The following DPYD variants were observed in gnomAD, a reference collection of about 807,000 sequenced individuals.
DPYD encodes the protein dihydropyrimidine dehydrogenase.
A neutral mutation model predicts 116.2 loss-of-function variants in DPYD; 109 were observed. That is an observed-to-expected ratio of 0.94 (90% confidence interval 0.80 to 1.10). The LOEUF (loss-of-function observed/expected upper bound fraction) is 1.10. Among genes scored for constraint, DPYD ranks in the 50% least tolerant of loss-of-function variants. The probability of loss-of-function intolerance (pLI) is 0.00; values close to 1 mark genes in which losing one functional copy is unlikely to be tolerated. For missense variants in DPYD, 1,302 were observed against 1,254.5 expected (o/e 1.04, Z -0.57); for synonymous variants, 440 against 432.0 (o/e 1.02, Z -0.23).
chr1:97,080,251 C>T (rs763557736), intron 22 of DPYD, among the ~76,000 whole-genome samples: 3 of 151,974 alleles, frequency 2.0e-5, no homozygotes. Flanking sequence ...TGTCTCTCCA[C>T]CCCCATGGTA....
chr1:97,297,278 C>T (rs1666593007), intron 18 of DPYD, among the ~76,000 whole-genome samples: 1 of 152,144 alleles, frequency 6.6e-6, no homozygotes, highest in Non-Finnish European at 1.5e-5. Flanking sequence ...CTCTTATCAT[C>T]ACTCCTGTAT....
At chr1:97,359,147 C>T (rs911874439) in intron 16 of DPYD, among the ~76,000 whole-genome samples, 1 of 151,862 alleles carries the variant, frequency 6.6e-6, no homozygotes, top group Admixed American at 6.6e-5. Context: ...AACCATGACA[C>T]GAGAACTACG....
chr1:97,610,384 T>C (rs528253036), intron 8 of DPYD, among the ~76,000 whole-genome samples: 1 of 152,036 alleles, frequency 6.6e-6, no homozygotes, highest in Non-Finnish European at 1.5e-5. Flanking sequence ...TGACCTGTGA[T>C]CAATTTTAAT....
At chr1:97,453,631 T>C (rs1676534576) in intron 13 of DPYD, among the ~76,000 whole-genome samples, 1 of 152,128 alleles carries the variant, frequency 6.6e-6, no homozygotes, top group African/African-American at 2.4e-5. Flanking sequence ...ATTGGAAGAC[T>C]GTCAAGAAAA....
At chr1:97,091,314 CAG>C (rs1324696997) in intron 21 of DPYD, among the ~76,000 whole-genome samples, 1 of 151,878 alleles carries the variant, frequency 6.6e-6, no homozygotes, top group African/African-American at 2.4e-5. Flanking sequence ...GATGGGTGGA[CAG>C]AGAAAATATT....
At chr1:97,696,556 T>C (rs565929044) in intron 6 of DPYD, among the ~76,000 whole-genome samples, 1 of 152,206 alleles carries the variant, frequency 6.6e-6, no homozygotes, top group East Asian at 1.9e-4. Context: ...TTGTTGTGCT[T>C]AGGAAAACAA....
chr1:97,234,040 C>A (rs1044114319), intron 19 of DPYD, among the ~76,000 whole-genome samples: 3 of 152,098 alleles, frequency 2.0e-5, no homozygotes, highest in Non-Finnish European at 4.4e-5. Flanking sequence ...TGATGCCAAA[C>A]TTTCTGCTTT....
intron 2 of DPYD, among the ~76,000 whole-genome samples, chr1:97,880,172 T>C (rs1672133127): frequency 1.3e-5 from 2 of 151,832 alleles, no homozygotes; most frequent in Admixed American, 1.3e-4. Context: ...GTGACTATTT[T>C]AAAAGAAAGA....
intron 10 of DPYD, among the ~76,000 whole-genome samples, chr1:97,576,988 A>G (rs2102195243): frequency 6.6e-6 from 1 of 152,330 alleles, no homozygotes. Flanking sequence ...TAGTAATATC[A>G]TTTGCATATA....
At chr1:97,771,388 C>G (rs1666134406) in intron 3 of DPYD, among the ~76,000 whole-genome samples, 1 of 152,156 alleles carries the variant, frequency 6.6e-6, no homozygotes, top group African/African-American at 2.4e-5. Context: ...AATACTTCTG[C>G]CTTTTTAACC....
rs1362764418 is a variant in DPYD, at chr1:97,593,212, T to C, written c.1128+6A>G. On this transcript the variant is annotated splice_donor_region_variant and intron_variant, in intron 10 of 22. Coordinates refer to ENST00000370192, the MANE Select transcript of DPYD (RefSeq NM_000110.4). The stretch of plus-strand genomic sequence containing the variant: ...AACTCCATATTTTCTGATGGTTCCA[T>C]TTTACCTCCTCAGGGACAGCTCTTA... 7 of 1,613,898 alleles carry C rather than the reference T, an allele frequency of 4.3e-6. No homozygotes were observed. The highest frequency in any genetic ancestry group is 5.9e-6 in the Non-Finnish European group (7 of 1,179,952).
rs540887354 is a variant in DPYD, at chr1:97,787,717, T to C, written c.233+40397A>G. On this transcript the variant is annotated intron_variant, in intron 3 of 22. Transcript: ENST00000370192. Reference sequence around the variant, plus strand: ...CCGTCGAACAAGGCTATAACAATAATAGAGCACTTTTGAAAACTAAGTTAA... The same window carrying C: ...CCGTCGAACAAGGCTATAACAATAACAGAGCACTTTTGAAAACTAAGTTAA... 7.2e-5 allele frequency among the ~76,000 whole-genome samples: 11 copies of C among 152,296 alleles called. No homozygotes were observed. In the South Asian group the frequency reaches 2.3e-3, roughly 32 times the overall value.
intron 8 of DPYD, among the ~76,000 whole-genome samples, chr1:97,648,929 C>T (rs184909309): frequency 2.0e-5 from 3 of 152,100 alleles, no homozygotes; most frequent in Admixed American, 2.0e-4. Context: ...TCTATAGACC[C>T]TCAGTGTCCT....
chr1:97,861,816 T>A (rs1235591724), intron 2 of DPYD, among the ~76,000 whole-genome samples: 1 of 152,010 alleles, frequency 6.6e-6, no homozygotes, highest in African/African-American at 2.4e-5. Flanking sequence ...TTAAGATTAT[T>A]TCTAAAATGT....
chr1:97,790,733 T>C (rs1374670872), intron 3 of DPYD, among the ~76,000 whole-genome samples: 2 of 152,204 alleles, frequency 1.3e-5, no homozygotes, highest in Admixed American at 6.5e-5. Context: ...ACTAGGCTCA[T>C]GTTAGGTCAC....
chr1:97,217,921 C>T (rs778595090), intron 19 of DPYD, among the ~76,000 whole-genome samples: 1 of 152,180 alleles, frequency 6.6e-6, no homozygotes, highest in Non-Finnish European at 1.5e-5. Flanking sequence ...AATATCATTT[C>T]TGTCTTATTA....
intron 14 of DPYD, among the ~76,000 whole-genome samples, chr1:97,391,572 A>G (rs1292876120): frequency 6.6e-6 from 1 of 151,980 alleles, no homozygotes; most frequent in Non-Finnish European, 1.5e-5. Flanking sequence ...GTCCTAAAGT[A>G]CAGGGAAGTT....
chr1:97,200,525 A>G (rs1379274578), intron 19 of DPYD, among the ~76,000 whole-genome samples: 1 of 152,188 alleles, frequency 6.6e-6, no homozygotes, highest in Non-Finnish European at 1.5e-5. Context: ...TGTTCATCCA[A>G]TTCTTAAAGC....
intron 4 of DPYD, among the ~76,000 whole-genome samples, chr1:97,731,188 T>C (rs954821838): frequency 2.0e-5 from 3 of 152,140 alleles, no homozygotes; most frequent in African/African-American, 7.2e-5. Context: ...CAGACTATTT[T>C]GTGCGAGTTT....
Sources: allele counts gnomAD v4.1 joint callset (sites outside exome capture counted in the v4.1 genomes callset), GRCh38; gene constraint gnomAD v4.1.1; transcripts MANE v1.5; gene names NCBI Gene and HGNC (gene_info 2026-07-23, HGNC 2026-07-21).